The following CABP1 variants were observed in gnomAD, a reference collection of about 807,000 sequenced individuals.
CABP1 encodes calcium-binding protein 1.
Under a neutral mutation model 34.3 loss-of-function variants are expected in CABP1, and 17 were observed. The ratio of observed to expected loss-of-function variants is 0.50; its 90% CI spans 0.34 to 0.74. The LOEUF (loss-of-function observed/expected upper bound fraction) is 0.74, where lower values mean the gene tolerates loss of function less well. Ranked by LOEUF, CABP1 falls within the 30% of genes least tolerant of loss-of-function variation. The pLI, the probability that CABP1 is intolerant of heterozygous loss-of-function variation, is 0.01. For synonymous variants in CABP1, 198 were observed against 229.2 expected (o/e 0.86, Z 1.23); for missense variants, 373 against 511.1 (o/e 0.73, Z 2.61).
At chr12:120,677,084 G>GTTTTT in the CABP1 span, among the ~76,000 whole-genome samples, 1 of 127,786 alleles carries the variant, frequency 7.8e-6, no homozygotes, top group Non-Finnish European at 1.6e-5. Flanking sequence ...GAAGTTTGTG[G>GTTTTT]TTTTTTTTTT....
At chr12:120,658,644 T>C (rs979493201) in intron 1 of CABP1, among the ~76,000 whole-genome samples, 2 of 152,142 alleles carry the variant, frequency 1.3e-5, no homozygotes, top group African/African-American at 4.8e-5. Context: ...GATTTTCTGG[T>C]GTTGTCGTCT....
At chr12:120,645,816 A>G (rs1401191551) in intron 1 of CABP1, among the ~76,000 whole-genome samples, 2 of 152,112 alleles carry the variant, frequency 1.3e-5, no homozygotes, top group African/African-American at 2.4e-5. Context: ...GTGACGGAGG[A>G]AGACTCTGTC....
At chr12:120,664,266 G>A (rs1409467083) in intron 5 of CABP1, among the ~76,000 whole-genome samples, 3 of 152,154 alleles carry the variant, frequency 2.0e-5, no homozygotes, top group African/African-American at 7.2e-5. Flanking sequence ...ATGTGTGCTG[G>A]GGGAAGCACA....
At position 120,661,404 on chromosome 12, in the gene CABP1, T is replaced by C. The variant is rs1029462056; in HGVS notation, c.1087+186T>C. 8.3e-6 allele frequency: 5 copies of C among 599,868 alleles called. No individual in the cohort carries two copies. Among genetic ancestry groups the C allele is most frequent in the Admixed American group, 6.4e-5 (2 of 31,210 alleles). 37.2% of individuals were successfully genotyped at this position (599,868 alleles called of 1,614,324 possible). The stretch of plus-strand genomic sequence containing the variant: ...CTCCCATCCCTTCCCCATGCATCTA[T>C]TCATGCATCTGTCCATCCATCTATC... On this transcript the variant is annotated intron_variant, in intron 5 of 5. Transcript: ENST00000316803. This position sits in a 1 kb window ranked among gnomAD's most constrained non-coding sequence, Gnocchi z 5.1.
downstream of CABP1, among the ~76,000 whole-genome samples, chr12:120,668,667 A>AC (rs1375512499): frequency 2.6e-5 from 4 of 152,180 alleles, no homozygotes; most frequent in Non-Finnish European, 4.4e-5. Flanking sequence ...CACACGGCAC[A>AC]CCCCAGGGAC....
At chr12:120,656,213 A>C in intron 1 of CABP1, 1 of 1,601,992 alleles carries the variant, frequency 6.2e-7, no homozygotes, top group South Asian at 1.1e-5. Flanking sequence ...AGTCATGCAC[A>C]ACCTGCTGGG....
chr12:120,664,447 C>A (rs1175793282), intron 5 of CABP1, among the ~76,000 whole-genome samples: 7 of 152,226 alleles, frequency 4.6e-5, no homozygotes, highest in Non-Finnish European at 1.0e-4. Flanking sequence ...CCACACAAAT[C>A]TGTACATAGA....
chr12:120,678,841 G>A, the CABP1 span, among the ~76,000 whole-genome samples: 2 of 21,680 alleles, frequency 9.2e-5, no homozygotes, highest in South Asian at 2.4e-3. Flanking sequence ...GGATGCTGAG[G>A]GGGGGGCAGA....
chr12:120,670,172 T>C (rs1881203929), downstream of CABP1, among the ~76,000 whole-genome samples: 1 of 152,158 alleles, frequency 6.6e-6, no homozygotes, highest in Non-Finnish European at 1.5e-5. Context: ...TTTTAAATTT[T>C]TTTTGTAGAG....
intron 1 of CABP1, chr12:120,655,915 T>C: frequency 1.3e-6 from 2 of 1,536,730 alleles, no homozygotes; most frequent in Non-Finnish European, 1.7e-6. Context: ...CCGTCAAGGA[T>C]TGGAGACTCT....
chr12:120,640,780 C>A lies in CABP1; in HGVS notation c.95C>A (p.Ser32Tyr), dbSNP rs1879276590. Residue 32 changes from serine (S) to tyrosine (Y), a missense_variant, in exon 1 of 6, where the codon TCT becomes TAT. By Grantham distance (144) the Ser-to-Tyr change is moderately radical. This residue lies in a region of CABP1 where 134 missense variants were observed against 145.4 expected (regional missense o/e 0.92). Transcript: ENST00000316803. The surrounding 1 kb of genome is among the most constrained non-coding windows in gnomAD (Gnocchi z 6.2). ...LGLGSRREPRSLPAGGPAPRR... is the reference protein window; with the variant it reads ...LGLGSRREPRYLPAGGPAPRR... ...CTTGGCTCCCGCCGGGAGCCCCGTT[C>A]TCTGCCCGCCGGGGGCCCCGCGCCG... is the stretch of plus-strand genomic sequence containing the variant. 2 of 1,141,030 alleles carry A rather than the reference C, an allele frequency of 1.8e-6. No individual in the cohort carries two copies. Among genetic ancestry groups the A allele is most frequent in the Non-Finnish European group, 1.1e-6 (1 of 930,546 alleles). 70.7% of individuals were successfully genotyped at this position (1,141,030 alleles called of 1,614,324 possible).
intron 1 of CABP1, among the ~76,000 whole-genome samples, chr12:120,644,773 C>T (rs905436908): frequency 6.6e-5 from 10 of 152,158 alleles, no homozygotes; most frequent in African/African-American, 2.4e-4. Flanking sequence ...TATCACCAGC[C>T]TCCGGACTTC....
At chr12:120,672,703 A>G in the CABP1 span, among the ~76,000 whole-genome samples, 3 of 116,596 alleles carry the variant, frequency 2.6e-5, no homozygotes, top group African/African-American at 1.4e-4. Context: ...AGGGATGTGC[A>G]CTTGGGTGAA....
the CABP1 span, among the ~76,000 whole-genome samples, chr12:120,676,421 TTTC>T: frequency 1.2e-4 from 18 of 150,248 alleles, no homozygotes; most frequent in South Asian, 4.2e-4. Flanking sequence ...AGCTGCTTTC[TTTC>T]TTCTTCTTCT....
At chr12:120,657,322 G>A (rs1880293470) in intron 1 of CABP1, among the ~76,000 whole-genome samples, 1 of 152,220 alleles carries the variant, frequency 6.6e-6, no homozygotes, top group Non-Finnish European at 1.5e-5. Flanking sequence ...TGCATTTATT[G>A]AATGCCACAT....
chr12:120,677,102 T>TC, the CABP1 span, among the ~76,000 whole-genome samples: 4 of 144,560 alleles, frequency 2.8e-5, no homozygotes, highest in East Asian at 2.2e-4. Context: ...TTTTTTTTTT[T>TC]CCTGAGATAG....
At chr12:120,663,426 C>T (rs995753666) in intron 5 of CABP1, among the ~76,000 whole-genome samples, 3 of 151,958 alleles carry the variant, frequency 2.0e-5, no homozygotes, top group Admixed American at 2.0e-4. Flanking sequence ...AGGGGTGCAC[C>T]ACCATGCCTG....
chr12:120,661,355 C>A lies in CABP1; in HGVS notation c.1087+137C>A. 1.1e-6 allele frequency: 1 copy of A among 882,088 alleles called. No individual in the cohort carries two copies. Among genetic ancestry groups the A allele is most frequent in the Non-Finnish European group, 1.7e-6 (1 of 591,550 alleles). The allele number at this position is 882,088 out of a possible 1,614,324, so 54.6% of individuals were successfully genotyped here. A position where few individuals can be genotyped will look rare whatever the true frequency, so the allele number is the denominator to read the frequency against. On this transcript the variant is annotated intron_variant, in intron 5 of 5. Coordinates refer to ENST00000316803, the MANE Select transcript of CABP1 (RefSeq NM_001033677.2). This position sits in a 1 kb window ranked among gnomAD's most constrained non-coding sequence, Gnocchi z 5.1. ...CAGCCCTTTCATCCTCTTATCCCTCCGTCCATGCCCCCGTCTAATCCATCT... is the reference window on the plus strand; with the variant it reads ...CAGCCCTTTCATCCTCTTATCCCTCAGTCCATGCCCCCGTCTAATCCATCT...
chr12:120,658,673 T>C (rs1451252966), intron 1 of CABP1, among the ~76,000 whole-genome samples: 2 of 152,214 alleles, frequency 1.3e-5, no homozygotes, highest in African/African-American at 4.8e-5. Flanking sequence ...GGGGCCAGTT[T>C]GGAGTGGCTG....
Sources: allele counts gnomAD v4.1 joint callset (sites outside exome capture counted in the v4.1 genomes callset), GRCh38; gene constraint gnomAD v4.1.1; regional missense constraint gnomAD v4.1.1; non-coding constraint Gnocchi (gnomAD v3.1); transcripts MANE v1.5; gene names NCBI Gene and HGNC (gene_info 2026-07-23, HGNC 2026-07-21).